Variants in EPHA5 observed in about 807,000 individuals in gnomAD.
The protein encoded by EPHA5 is ephrin type-A receptor 5.
In EPHA5, 60 loss-of-function variants were observed where a neutral mutation model predicts 105.0. The ratio of observed to expected loss-of-function variants is 0.57; its 90% CI spans 0.46 to 0.71. The LOEUF is 0.71. Among genes scored for constraint, EPHA5 ranks in the 30% least tolerant of loss-of-function variants. The pLI, the probability that EPHA5 is intolerant of heterozygous loss-of-function variation, is 0.00. For synonymous variants in EPHA5, 513 were observed against 449.1 expected, an observed-to-expected ratio of 1.14 and a Z score of -1.80; for missense variants, 1,218 against 1,274.7, an observed-to-expected ratio of 0.96 and a Z score of 0.68.
chr4:65,455,226 C>T (rs1727462924), intron 5 of EPHA5, among the ~76,000 whole-genome samples: 2 of 151,808 alleles, frequency 1.3e-5, no homozygotes, highest in Non-Finnish European at 2.9e-5. Context: ...GAGAGAGACT[C>T]CGTCTCAAAA....
intron 3 of EPHA5, among the ~76,000 whole-genome samples, chr4:65,507,911 A>G (rs571782404): frequency 3.3e-5 from 5 of 151,594 alleles, no homozygotes; most frequent in Non-Finnish European, 7.4e-5. Context: ...CTCTAAATTA[A>G]TAGATACCCA....
At chr4:65,467,437 T>A (rs1405258882) in intron 5 of EPHA5, among the ~76,000 whole-genome samples, 1 of 152,202 alleles carries the variant, frequency 6.6e-6, no homozygotes, top group African/African-American at 2.4e-5. Flanking sequence ...TCTGAACTGA[T>A]CTTTTGACTA....
rs761764875 is a variant in EPHA5, at chr4:65,351,527, G to T, written c.2307C>A (p.Tyr769Ter). 1.1e-5 allele frequency: 17 copies of T among 1,613,680 alleles called. No individual in the cohort carries two copies. The highest frequency in any genetic ancestry group is 1.4e-5 in the Non-Finnish European group (17 of 1,179,794). ...MLRGISAGMKYLSDMGYVHRD... is the reference protein window; with the variant it reads ...MLRGISAGMK ...TATGCACATAGCCCATGTCAGAAAG[G>T]TACTTCATTCCTGCAGAGATACCTC... is the stretch of plus-strand genomic sequence containing the variant. Residue 769 changes from tyrosine to a stop codon, truncating the protein, a stop_gained, in exon 13 of 17, where the codon TAC becomes TAA. Transcript: ENST00000613740. LOFTEE classifies it high-confidence loss of function.
intron 5 of EPHA5, among the ~76,000 whole-genome samples, chr4:65,461,774 C>A (rs1728145105): frequency 6.6e-6 from 1 of 151,814 alleles, no homozygotes; most frequent in African/African-American, 2.4e-5. Context: ...CATTTGAAAC[C>A]ATGATGTATC....
At chr4:65,537,391 A>G (rs144266666) in intron 3 of EPHA5, among the ~76,000 whole-genome samples, 445 of 151,920 alleles carry the variant, frequency 2.9e-3, no homozygotes, top group African/African-American at 0.01. Flanking sequence ...AAATTAAACT[A>G]TATCTTGCTA....
intron 5 of EPHA5, among the ~76,000 whole-genome samples, chr4:65,465,005 C>T (rs1374467918): frequency 6.6e-6 from 1 of 151,926 alleles, no homozygotes; most frequent in South Asian, 2.1e-4. Context: ...CAAATAAGAA[C>T]ATTACAACAA....
chr4:65,387,558 A>G (rs1270352861), intron 8 of EPHA5, among the ~76,000 whole-genome samples: 1 of 151,928 alleles, frequency 6.6e-6, no homozygotes, highest in Admixed American at 6.6e-5. Context: ...GATTAATAAT[A>G]CATCATTAAG....
rs768708292 is a variant in EPHA5 at position 65,404,453 on chromosome 4, G to C, written c.1714C>G (p.Gln572Glu). ...ACAGACACAGCAATTACAGGAATCT[G>C]GCTTTGATCGCTGGATGCTGCAACT... Reference protein sequence around the residue: ...VSVAASSDQSQIPVIAVSVTV... With the variant: ...VSVAASSDQSEIPVIAVSVTV... Residue 572 changes from glutamine to glutamate, a missense_variant, in exon 8 of 17, where the codon CAG (glutamine) becomes GAG (glutamate). Physicochemically the swap from Gln to Glu is conservative, Grantham distance 29 (BLOSUM62 2). This residue lies in a region of EPHA5 where 971 missense variants were observed against 1,013.5 expected (regional missense o/e 0.96). Coordinates refer to ENST00000613740, the MANE Select transcript of EPHA5 (RefSeq NM_001281766.3). 6.2e-7 allele frequency: 1 copy of C among 1,613,692 alleles called. No homozygotes were observed. The highest frequency in any genetic ancestry group is 8.5e-7 in the Non-Finnish European group (1 of 1,179,750).
At chr4:65,382,765 T>C (rs1212989712) in intron 8 of EPHA5, among the ~76,000 whole-genome samples, 3 of 151,746 alleles carry the variant, frequency 2.0e-5, no homozygotes, top group Non-Finnish European at 4.4e-5. Context: ...TCATTATTTT[T>C]CAAAATCTGT....
intron 14 of EPHA5, among the ~76,000 whole-genome samples, chr4:65,342,221 T>C (rs1022235508): frequency 2.0e-5 from 3 of 152,058 alleles, no homozygotes; most frequent in African/African-American, 7.2e-5. Context: ...GAACTGATAA[T>C]TTTTTATGTG....
chr4:65,400,487 G>C (rs1191254400), intron 8 of EPHA5, among the ~76,000 whole-genome samples: 1 of 152,076 alleles, frequency 6.6e-6, no homozygotes, highest in African/African-American at 2.4e-5. Context: ...AAATTGTCAA[G>C]AATTCTAACA....
chr4:65,602,529 A>G (rs891365437), intron 2 of EPHA5, among the ~76,000 whole-genome samples: 1 of 152,176 alleles, frequency 6.6e-6, no homozygotes, highest in Non-Finnish European at 1.5e-5. Context: ...ATTATTCTTC[A>G]TCTCCAACAT....
chr4:65,436,016 T>A (rs1033284067), intron 5 of EPHA5, among the ~76,000 whole-genome samples: 3 of 152,094 alleles, frequency 2.0e-5, no homozygotes, highest in African/African-American at 7.2e-5. Context: ...TGATAGTAGA[T>A]GCTATAATGT....
chr4:65,637,003 C>A (rs968851567), intron 2 of EPHA5, among the ~76,000 whole-genome samples: 1 of 151,822 alleles, frequency 6.6e-6, no homozygotes, highest in Non-Finnish European at 1.5e-5. Context: ...CATAGTACTG[C>A]TAGATATGTC....
intron 8 of EPHA5, among the ~76,000 whole-genome samples, chr4:65,380,420 T>C (rs962985894): frequency 5.9e-5 from 9 of 151,754 alleles, no homozygotes; most frequent in Non-Finnish European, 2.9e-5. Flanking sequence ...GTATGAAGTG[T>C]GTCTATGTAA....
intron 7 of EPHA5, among the ~76,000 whole-genome samples, chr4:65,410,087 T>A (rs1474531853): frequency 6.6e-6 from 1 of 152,140 alleles, no homozygotes; most frequent in African/African-American, 2.4e-5. Flanking sequence ...AAAAACTTAC[T>A]TTGACATAAA....
chr4:65,355,152 G>T (rs1200845266), intron 11 of EPHA5, among the ~76,000 whole-genome samples: 2 of 151,552 alleles, frequency 1.3e-5, no homozygotes, highest in African/African-American at 4.8e-5. Context: ...GGTGGCACAT[G>T]TCTATGCATA....
At chr4:65,458,790 T>C (rs1250873260) in intron 5 of EPHA5, among the ~76,000 whole-genome samples, 1 of 152,076 alleles carries the variant, frequency 6.6e-6, no homozygotes, top group African/African-American at 2.4e-5. Flanking sequence ...ACAGTAAATA[T>C]TACCTGTTAT....
At chr4:65,523,193 C>A (rs1359411418) in intron 3 of EPHA5, among the ~76,000 whole-genome samples, 12 of 151,880 alleles carry the variant, frequency 7.9e-5, no homozygotes, top group Non-Finnish European at 1.8e-4. Flanking sequence ...TAGTTAGAAT[C>A]TAATACAGCA....
Sources: allele counts gnomAD v4.1 joint callset (sites outside exome capture counted in the v4.1 genomes callset), GRCh38; gene constraint gnomAD v4.1.1; regional missense constraint gnomAD v4.1.1; transcripts MANE v1.5; gene names NCBI Gene and HGNC (gene_info 2026-07-23, HGNC 2026-07-21).